The following ADGRV1 variants were observed in gnomAD, a reference collection of about 807,000 sequenced individuals.
The protein encoded by ADGRV1 is adhesion G protein-coupled receptor V1.
ADGRV1 carries 359 observed loss-of-function variants against 596.2 expected under a neutral mutation model. That is an observed-to-expected ratio of 0.60 (90% CI 0.55 to 0.66). The LOEUF (loss-of-function observed/expected upper bound fraction) is 0.66. Among genes scored for constraint, ADGRV1 ranks in the 30% least tolerant of loss-of-function variants. ADGRV1 has a pLI of 0.00. For missense variants in ADGRV1, 7,274 were observed against 7,575.6 expected, an observed-to-expected ratio of 0.96 and a Z score of 1.48; for synonymous variants, 2,681 against 2,679.2, an observed-to-expected ratio of 1.00 and a Z score of -0.02.
chr5:90,672,539 A>G lies in ADGRV1; in HGVS notation c.4753-7A>G. 6.2e-7 allele frequency: 1 copy of G among 1,610,622 alleles called. No individual in the cohort carries two copies. Among genetic ancestry groups the G allele is most frequent in the Non-Finnish European group, 8.5e-7 (1 of 1,177,734 alleles). Reference sequence around the variant, plus strand: ...TGCACCTATTAATAATTTACATTCAATTTCAGATTGCAGAGGAGGGATCAA... The same window carrying G: ...TGCACCTATTAATAATTTACATTCAGTTTCAGATTGCAGAGGAGGGATCAA... On this transcript the variant is annotated splice_region_variant and splice_polypyrimidine_tract_variant and intron_variant, in intron 21 of 89. Coordinates refer to ENST00000405460, the MANE Select transcript of ADGRV1 (RefSeq NM_032119.4).
chr5:90,669,594 A>G (rs965874541), intron 21 of ADGRV1, among the ~76,000 whole-genome samples: 1 of 152,240 alleles, frequency 6.6e-6, no homozygotes, highest in Non-Finnish European at 1.5e-5. Flanking sequence ...AGTGGGCATC[A>G]GAAGGATTGC....
chr5:90,745,216 C>G lies in ADGRV1; in HGVS notation c.10720C>G (p.His3574Asp). Residue 3574 changes from histidine (H) to aspartate (D), a missense_variant, in exon 51 of 90, where the codon CAT becomes GAT. By Grantham distance (81) the His-to-Asp change is moderately conservative. Around this residue, in one of 5 missense-constraint regions of ADGRV1, gnomAD observed 3,643 missense variants for 3,809.2 expected, o/e 0.96. Transcript: ENST00000405460. ...NLIALVGAHS[H>D]IYELAYISSH... The stretch of plus-strand genomic sequence containing the variant: ...AATAGCTCTAGTGGGAGCTCATTCA[C>G]ATATATATGAGCTAGCCTACATTTC... 1 of 1,610,870 alleles carries G rather than the reference C, an allele frequency of 6.2e-7. No individual in the cohort carries two copies. Among genetic ancestry groups the G allele is most frequent in the Non-Finnish European group, 8.5e-7 (1 of 1,179,370 alleles).
At chr5:90,839,710 C>G (rs989685743) in intron 77 of ADGRV1, among the ~76,000 whole-genome samples, 1 of 152,246 alleles carries the variant, frequency 6.6e-6, no homozygotes, top group Non-Finnish European at 1.5e-5. Context: ...ACAAGAGCTT[C>G]TATGTCCAGT....
intron 42 of ADGRV1, among the ~76,000 whole-genome samples, chr5:90,712,697 T>G (rs1210912814): frequency 6.6e-6 from 1 of 152,166 alleles, no homozygotes; most frequent in East Asian, 1.9e-4. Flanking sequence ...ATTATTTAAT[T>G]TGTAGATGTC....
chr5:90,638,462 C>A (rs1766530515), intron 11 of ADGRV1, among the ~76,000 whole-genome samples: 2 of 150,918 alleles, frequency 1.3e-5, no homozygotes. Flanking sequence ...GATACTTTTT[C>A]AGTAATAAAT....
chr5:90,579,222 T>C (rs1017143187), intron 1 of ADGRV1, among the ~76,000 whole-genome samples: 4 of 152,228 alleles, frequency 2.6e-5, no homozygotes, highest in African/African-American at 9.6e-5. Flanking sequence ...AGATCTTCCC[T>C]GCTTTCTCTT....
intron 85 of ADGRV1, among the ~76,000 whole-genome samples, chr5:91,018,887 A>T (rs1352521582): frequency 6.6e-6 from 1 of 151,984 alleles, no homozygotes; most frequent in Non-Finnish European, 1.5e-5. Context: ...ATGTCACAGC[A>T]TTCTGACTTT....
At chr5:90,614,423 CT>C (rs1763087348) in intron 1 of ADGRV1, among the ~76,000 whole-genome samples, 1 of 152,036 alleles carries the variant, frequency 6.6e-6, no homozygotes, top group Admixed American at 6.6e-5. Context: ...AAAAATTTGG[CT>C]TCAACTGTTT....
intron 36 of ADGRV1, among the ~76,000 whole-genome samples, chr5:90,704,799 T>C (rs1305671020): frequency 6.6e-6 from 1 of 151,858 alleles, no homozygotes; most frequent in African/African-American, 2.4e-5. Flanking sequence ...ACCAATTATA[T>C]GGATAAATCA....
chr5:91,059,148 G>A (rs900123188), intron 85 of ADGRV1, among the ~76,000 whole-genome samples: 2 of 152,112 alleles, frequency 1.3e-5, no homozygotes, highest in East Asian at 1.9e-4. Context: ...GAGTACCTAC[G>A]GCATGCCAGC....
At chr5:90,736,664 A>G (rs1397913510) in intron 50 of ADGRV1, among the ~76,000 whole-genome samples, 1 of 151,846 alleles carries the variant, frequency 6.6e-6, no homozygotes, top group Non-Finnish European at 1.5e-5. Context: ...TGATCTGCTT[A>G]GGTTTTCTAT....
At chr5:90,921,792 T>C (rs1359019734) in intron 83 of ADGRV1, among the ~76,000 whole-genome samples, 4 of 149,930 alleles carry the variant, frequency 2.7e-5, no homozygotes, top group Non-Finnish European at 3.0e-5. Flanking sequence ...TAAAGTTGTG[T>C]CTTGTTTTTT....
chr5:90,624,343 T>C (rs368365877), intron 5 of ADGRV1, among the ~76,000 whole-genome samples: 6 of 152,202 alleles, frequency 3.9e-5, no homozygotes, highest in Non-Finnish European at 8.8e-5. Flanking sequence ...AGAAAATAAT[T>C]GGCTGTAGAA....
In ADGRV1 at chr5:90,645,938, C is replaced by G. The variant is rs746493509; in HGVS notation, c.2899-30C>G. ...GATGTAATTTATATGTATAAGTCAC[C>G]TGACTTAAAACGTGTAACATTTTCC... On this transcript the variant is annotated intron_variant, in intron 15 of 89. Coordinates refer to ENST00000405460, the MANE Select transcript of ADGRV1 (RefSeq NM_032119.4). 4.6e-6 allele frequency: 7 copies of G among 1,536,960 alleles called. No individual in the cohort carries two copies. In the African/African-American group the frequency reaches 6.9e-5, roughly 15 times the overall value.
intron 85 of ADGRV1, among the ~76,000 whole-genome samples, chr5:90,993,153 ACTT>A (rs1781109268): frequency 1.0e-5 from 1 of 98,128 alleles, no homozygotes; most frequent in Non-Finnish European, 2.1e-5. Flanking sequence ...CTTGGTTTTC[ACTT>A]TTTTTTTTTT....
chr5:90,635,091 T>A (rs944122525), intron 9 of ADGRV1, 23 bp from the exon 10 acceptor site: 1 of 1,467,296 alleles, frequency 6.8e-7, no homozygotes, highest in Admixed American at 1.8e-5. Flanking sequence ...TCTTACTACT[T>A]TTTGTGTATT....
chr5:90,783,107 C>A lies in ADGRV1; in HGVS notation c.13232-17C>A, dbSNP rs1759032023. 6.2e-7 allele frequency: 1 copy of A among 1,606,978 alleles called. No homozygotes were observed. Among genetic ancestry groups the A allele is most frequent in the Middle Eastern group, 1.7e-4 (1 of 6,026 alleles). ...GCTCTGTCTGGCTTACCAATTAATT[C>A]CAAGTTCCCATTACAGTGGAGGAAG... is the stretch of plus-strand genomic sequence containing the variant. On this transcript the variant is annotated splice_polypyrimidine_tract_variant and intron_variant, in intron 65 of 89. Transcript: ENST00000405460.
At chr5:91,045,473 T>C (rs536147756) in intron 85 of ADGRV1, among the ~76,000 whole-genome samples, 1 of 152,248 alleles carries the variant, frequency 6.6e-6, no homozygotes, top group South Asian at 2.1e-4. Context: ...AAAAAGCATT[T>C]GACAAAATCC....
In ADGRV1 at chr5:91,028,563, A is replaced by G. The variant is rs9293557; in HGVS notation, c.18152+43041A>G. On this transcript the variant is annotated intron_variant, in intron 85 of 89. Transcript: ENST00000405460. Reference sequence around the variant, plus strand: ...CGCCCATTTACACATGACCAGACTTATGTAATTTACTAGATCTATCCTAGT... The same window carrying G: ...CGCCCATTTACACATGACCAGACTTGTGTAATTTACTAGATCTATCCTAGT... Among the ~76,000 whole-genome samples, 1,416 of 152,024 alleles carry G rather than the reference A, an allele frequency of 9.3e-3. 13 individuals carry two copies. Among genetic ancestry groups the G allele is most frequent in the African/African-American group, 0.031 (1,271 of 41,470 alleles).
Sources: allele counts gnomAD v4.1 joint callset (sites outside exome capture counted in the v4.1 genomes callset), GRCh38; gene constraint gnomAD v4.1.1; regional missense constraint gnomAD v4.1.1; transcripts MANE v1.5; gene names NCBI Gene and HGNC (gene_info 2026-07-23, HGNC 2026-07-21).